The following CCSER1 variants were observed in gnomAD, a reference collection of about 807,000 sequenced individuals.
CCSER1 encodes serine-rich coiled-coil domain-containing protein 1.
A neutral mutation model predicts 82.0 loss-of-function variants in CCSER1; 41 were observed. The observed-to-expected ratio is 0.50, with a 90% confidence interval of 0.39 to 0.65. The LOEUF is 0.65. Among genes scored for constraint, CCSER1 ranks in the 30% least tolerant of loss-of-function variants. The probability of loss-of-function intolerance (pLI) is 0.00; values close to 1 mark genes in which losing one functional copy is unlikely to be tolerated. For synonymous variants in CCSER1, 414 were observed against 383.9 expected (o/e 1.08, Z -0.92); for missense variants, 1,119 against 1,064.2 (o/e 1.05, Z -0.72).
At chr4:90,765,009 T>A (rs900692588) in intron 7 of CCSER1, among the ~76,000 whole-genome samples, 1 of 152,136 alleles carries the variant, frequency 6.6e-6, no homozygotes, top group Non-Finnish European at 1.5e-5. Flanking sequence ...TATGCTCATT[T>A]CTTTTCCCCA....
At chr4:90,192,627 T>G (rs1371109558) in intron 1 of CCSER1, among the ~76,000 whole-genome samples, 1 of 152,084 alleles carries the variant, frequency 6.6e-6, no homozygotes, top group Non-Finnish European at 1.5e-5. Flanking sequence ...AAGAAAAATA[T>G]GTAAAGCACC....
At chr4:90,454,039 C>T (rs560395518) in intron 4 of CCSER1, among the ~76,000 whole-genome samples, 2 of 152,240 alleles carry the variant, frequency 1.3e-5, no homozygotes, top group East Asian at 3.9e-4. Context: ...TGGGGATAGT[C>T]TTCCCTCCAG....
chr4:90,844,468 G>C (rs1187548225), intron 8 of CCSER1, among the ~76,000 whole-genome samples: 1 of 151,866 alleles, frequency 6.6e-6, no homozygotes, highest in Non-Finnish European at 1.5e-5. Flanking sequence ...CCTTCTTATT[G>C]TTCCTTGAAC....
In CCSER1 at chr4:91,073,936, G is replaced by A. The variant is rs142199118; in HGVS notation, c.2173-12014G>A. Among the ~76,000 whole-genome samples the A allele has an allele frequency of 3.5e-3, 535 of 152,056 alleles. 2 individuals are homozygous for A. Among genetic ancestry groups the A allele is most frequent in the Middle Eastern group, 6.8e-3 (2 of 294 alleles). ...ATCAATTTTTTACCAGGCAAGCAAA[G>A]ACCCAGAGACTTAAACAATATCCTT... On this transcript the variant is annotated intron_variant, in intron 9 of 10. Coordinates refer to ENST00000509176, the MANE Select transcript of CCSER1 (RefSeq NM_001145065.2).
chr4:90,421,418 A>C (rs751212499), intron 4 of CCSER1, among the ~76,000 whole-genome samples: 3 of 152,326 alleles, frequency 2.0e-5, no homozygotes, highest in Non-Finnish European at 4.4e-5. Context: ...GTAGAATGAT[A>C]GTAGATCTGA....
At chr4:90,533,115 G>T (rs1318433790) in intron 5 of CCSER1, among the ~76,000 whole-genome samples, 11 of 125,880 alleles carry the variant, frequency 8.7e-5, no homozygotes, top group Non-Finnish European at 1.6e-4. Context: ...TTTTTGAGAC[G>T]GAGTCTCCCT....
At chr4:90,919,089 TAAAAAAAAA>T (rs71596538) in intron 8 of CCSER1, among the ~76,000 whole-genome samples, 1 of 87,224 alleles carries the variant, frequency 1.1e-5, no homozygotes, top group Non-Finnish European at 2.4e-5. Context: ...GTTTCCACAG[TAAAAAAAAA>T]AAAAAAAAAA....
At chr4:90,761,032 G>A (rs1750337779) in intron 7 of CCSER1, among the ~76,000 whole-genome samples, 1 of 152,070 alleles carries the variant, frequency 6.6e-6, no homozygotes, top group Non-Finnish European at 1.5e-5. Context: ...CTGGATAAAT[G>A]TGAATATTTG....
At chr4:91,334,289 T>C (rs55881565) in intron 10 of CCSER1, among the ~76,000 whole-genome samples, 9,862 of 152,086 alleles carry the variant, frequency 0.065, 421 homozygotes, top group African/African-American at 0.11. Context: ...CAGTGTTTTA[T>C]TCAGCATCAT....
chr4:91,339,392 G>T (rs1747542311), intron 10 of CCSER1, among the ~76,000 whole-genome samples: 1 of 151,748 alleles, frequency 6.6e-6, no homozygotes, highest in Non-Finnish European at 1.5e-5. Flanking sequence ...CTTTGTTTTT[G>T]AATCACTTTT....
At chr4:90,240,558 G>A (rs1320829733) in intron 1 of CCSER1, among the ~76,000 whole-genome samples, 1 of 152,122 alleles carries the variant, frequency 6.6e-6, no homozygotes, top group African/African-American at 2.4e-5. Flanking sequence ...GGAACACTCA[G>A]CATCACACCC....
intron 1 of CCSER1, among the ~76,000 whole-genome samples, chr4:90,188,886 T>C (rs1223701071): frequency 6.6e-6 from 1 of 151,918 alleles, no homozygotes; most frequent in Non-Finnish European, 1.5e-5. Context: ...ACTATTACTA[T>C]GGGAATAGAA....
chr4:91,532,082 G>A (rs1401257520), intron 10 of CCSER1, among the ~76,000 whole-genome samples: 1 of 152,142 alleles, frequency 6.6e-6, no homozygotes, highest in Non-Finnish European at 1.5e-5. Context: ...TTTTTATGCA[G>A]AATGGAGAAT....
At chr4:90,456,435 A>G (rs1308302020) in intron 4 of CCSER1, among the ~76,000 whole-genome samples, 1 of 152,198 alleles carries the variant, frequency 6.6e-6, no homozygotes, top group Non-Finnish European at 1.5e-5. Flanking sequence ...GAATGATAGG[A>G]AAGACTGGAG....
intron 4 of CCSER1, among the ~76,000 whole-genome samples, chr4:90,429,206 T>C (rs1757945536): frequency 6.6e-6 from 1 of 151,840 alleles, no homozygotes; most frequent in Admixed American, 6.6e-5. Flanking sequence ...ATTATTTGCT[T>C]AGTGTTCACT....
At chr4:91,435,345 G>A (rs146424445) in intron 10 of CCSER1, among the ~76,000 whole-genome samples, 2 of 152,036 alleles carry the variant, frequency 1.3e-5, no homozygotes, top group East Asian at 3.9e-4. Context: ...GGAGGCTGAG[G>A]TGGGAGGATA....
At chr4:90,452,206 G>GT (rs1205305264) in intron 4 of CCSER1, among the ~76,000 whole-genome samples, 1 of 152,084 alleles carries the variant, frequency 6.6e-6, no homozygotes, top group African/African-American at 2.4e-5. Context: ...CTCTAAGGGG[G>GT]TTTTTTTGAG....
intron 10 of CCSER1, among the ~76,000 whole-genome samples, chr4:91,219,458 G>A (rs185915240): frequency 1.4e-4 from 21 of 151,956 alleles, no homozygotes; most frequent in East Asian, 5.8e-4. Context: ...GTCTGCAGTC[G>A]CCTGCCACCA....
chr4:90,390,698 G>A (rs1222242499), intron 3 of CCSER1, among the ~76,000 whole-genome samples: 2 of 152,094 alleles, frequency 1.3e-5, no homozygotes, highest in Non-Finnish European at 2.9e-5. Context: ...GGGGTCCTAG[G>A]ATTATTCCAT....
Sources: gnomAD v4.1 joint callset for allele counts (sites outside exome capture counted in the v4.1 genomes callset) on GRCh38, gnomAD v4.1.1 for gene constraint, MANE v1.5 for transcripts, NCBI Gene and HGNC (gene_info 2026-07-23, HGNC 2026-07-21) for gene names.